The following ANKS1B variants were observed in gnomAD, a reference collection of about 807,000 sequenced individuals.
ANKS1B encodes ankyrin repeat and sterile alpha motif domain containing 1B, also known as ankyrin repeat and sterile alpha motif domain-containing protein 1B.
Under a neutral mutation model 148.3 loss-of-function variants are expected in ANKS1B, and 36 were observed. The observed-to-expected ratio is 0.24, with a 90% CI of 0.19 to 0.32. The LOEUF (loss-of-function observed/expected upper bound fraction) is 0.32. Ranked by LOEUF, ANKS1B falls within the 10% of genes least tolerant of loss-of-function variation. ANKS1B has a pLI of 1.00. For synonymous variants in ANKS1B, 542 were observed against 560.8 expected (o/e 0.97, Z 0.47); for missense variants, 1,157 against 1,542.6 (o/e 0.75, Z 4.19).
intron 1 of ANKS1B, among the ~76,000 whole-genome samples, chr12:99,927,397 A>T (rs1295607270): frequency 1.3e-5 from 2 of 152,224 alleles, no homozygotes; most frequent in Non-Finnish European, 2.9e-5. Context: ...TAGTTATTCA[A>T]ATGTTTTCTA....
At chr12:98,756,556 C>CAAAAAAAAAAA (rs536086383) in intron 25 of ANKS1B, among the ~76,000 whole-genome samples, 4 of 104,560 alleles carry the variant, frequency 3.8e-5, no homozygotes, top group African/African-American at 1.0e-4. Flanking sequence ...ACTAAAAATA[C>CAAAAAAAAAAA]AAAAAAAAAA....
At chr12:99,508,463 T>C (rs918211983) in intron 9 of ANKS1B, among the ~76,000 whole-genome samples, 7 of 151,740 alleles carry the variant, frequency 4.6e-5, no homozygotes, top group African/African-American at 1.7e-4. Context: ...CTACCCAAAG[T>C]GGCAGGAGGG....
At chr12:98,865,929 C>T (rs74349727) in intron 17 of ANKS1B, among the ~76,000 whole-genome samples, 3,024 of 152,196 alleles carry the variant, frequency 0.02, 105 homozygotes, top group African/African-American at 0.068. Flanking sequence ...CTGGCAGATT[C>T]GGTATCTGGT....
At chr12:99,256,963 C>T (rs181961593) in intron 12 of ANKS1B, among the ~76,000 whole-genome samples, 7 of 152,212 alleles carry the variant, frequency 4.6e-5, no homozygotes, top group African/African-American at 7.2e-5. Context: ...TATTTCATCC[C>T]GGCCGGGTGC....
chr12:99,342,128 G>A (rs1337806272), intron 12 of ANKS1B, among the ~76,000 whole-genome samples: 1 of 152,006 alleles, frequency 6.6e-6, no homozygotes, highest in South Asian at 2.1e-4. Flanking sequence ...ATATCATGGA[G>A]GTCAGCATTT....
At chr12:98,917,824 A>G (rs1311894878) in intron 17 of ANKS1B, among the ~76,000 whole-genome samples, 1 of 152,202 alleles carries the variant, frequency 6.6e-6, no homozygotes, top group Non-Finnish European at 1.5e-5. Context: ...TTTTGCAGCT[A>G]TCTCATGCCA....
At chr12:99,543,451 TC>T (rs2097145450) in intron 9 of ANKS1B, among the ~76,000 whole-genome samples, 1 of 152,112 alleles carries the variant, frequency 6.6e-6, no homozygotes, top group Non-Finnish European at 1.5e-5. Flanking sequence ...ACCATATGAC[TC>T]CAATATTCTA....
intron 17 of ANKS1B, among the ~76,000 whole-genome samples, chr12:98,938,925 GATA>G (rs1261880432): frequency 2.0e-5 from 3 of 152,332 alleles, no homozygotes; most frequent in East Asian, 1.9e-4. Context: ...GGAGATTAAT[GATA>G]ATAAGTCATG....
intron 9 of ANKS1B, among the ~76,000 whole-genome samples, chr12:99,557,042 TC>T (rs2097284060): frequency 6.6e-6 from 1 of 152,186 alleles, no homozygotes; most frequent in South Asian, 2.1e-4. Flanking sequence ...AGTGAGATGT[TC>T]AACTCTCTCA....
At chr12:99,515,065 A>G (rs570635421) in intron 9 of ANKS1B, among the ~76,000 whole-genome samples, 3 of 152,022 alleles carry the variant, frequency 2.0e-5, no homozygotes, top group African/African-American at 7.2e-5. Flanking sequence ...AGGTATATGT[A>G]TTTATGTGGT....
chr12:99,374,275 A>G (rs2093289493), intron 12 of ANKS1B, among the ~76,000 whole-genome samples: 2 of 152,158 alleles, frequency 1.3e-5, no homozygotes, highest in Non-Finnish European at 1.5e-5. Flanking sequence ...AAAAAAATCT[A>G]TTCCCAGTTA....
chr12:99,088,590 C>G (rs2052803093), intron 15 of ANKS1B, among the ~76,000 whole-genome samples: 1 of 151,756 alleles, frequency 6.6e-6, no homozygotes, highest in African/African-American at 2.4e-5. Context: ...GTATGATGGA[C>G]TTATAAAATT....
intron 17 of ANKS1B, among the ~76,000 whole-genome samples, chr12:98,880,374 C>T (rs1402098619): frequency 6.6e-6 from 1 of 152,140 alleles, no homozygotes; most frequent in Non-Finnish European, 1.5e-5. Context: ...GAAGGTAGCA[C>T]TGATATGGAA....
At chr12:99,854,611 T>G (rs1240693224) in intron 1 of ANKS1B, among the ~76,000 whole-genome samples, 2 of 151,998 alleles carry the variant, frequency 1.3e-5, no homozygotes, top group Non-Finnish European at 2.9e-5. Context: ...TTATCTAAAG[T>G]CAAGACAAAG....
intron 11 of ANKS1B, among the ~76,000 whole-genome samples, chr12:99,408,703 T>G (rs1594188282): frequency 6.8e-6 from 1 of 146,084 alleles, no homozygotes; most frequent in East Asian, 1.9e-4. Flanking sequence ...AGAATAGACA[T>G]TTCTCAAAAG....
At position 98,911,006 on chromosome 12, in the gene ANKS1B, C is replaced by T. The variant is rs951098509; in HGVS notation, c.2779-78870G>A. Reference sequence around the variant, plus strand: ...GGTAACATTTATGGAGATGTCTGCACGGGCTCTCTGTCAACATATGGAGAA... The same window carrying T: ...GGTAACATTTATGGAGATGTCTGCATGGGCTCTCTGTCAACATATGGAGAA... On this transcript the variant is annotated intron_variant, in intron 17 of 26. Transcript: ENST00000683438. Among the ~76,000 whole-genome samples, 8 of 152,224 alleles carry T rather than the reference C, an allele frequency of 5.3e-5. No individual in the cohort carries two copies. The East Asian group carries it at 9.6e-4, about 18-fold the overall frequency.
At chr12:99,717,798 C>CA (rs146228161) in intron 8 of ANKS1B, among the ~76,000 whole-genome samples, 100,584 of 151,742 alleles carry the variant, frequency 0.66, 33,428 homozygotes, top group Non-Finnish European at 0.69. Context: ...ACCTTCTTTT[C>CA]AAGGCCTGTT....
In ANKS1B at chr12:99,185,721, C is replaced by T. The variant is rs535490741; in HGVS notation, c.2420-31326G>A. On this transcript the variant is annotated intron_variant, in intron 14 of 26. Coordinates refer to ENST00000683438, the MANE Select transcript of ANKS1B (RefSeq NM_001352186.2). ...ACGGTGCATTCTGGCCCAGATACTACGCTTTTCCCATGGTCTTCGCAACCT... is the reference window on the plus strand; with the variant it reads ...ACGGTGCATTCTGGCCCAGATACTATGCTTTTCCCATGGTCTTCGCAACCT... Among the ~76,000 whole-genome samples the T allele has an allele frequency of 2.2e-4, 34 of 152,304 alleles. No individual in the cohort carries two copies. The South Asian group carries it at 2.9e-3, about 13-fold the overall frequency.
chr12:99,607,540 T>G (rs1447551342), intron 9 of ANKS1B, among the ~76,000 whole-genome samples: 1 of 152,080 alleles, frequency 6.6e-6, no homozygotes. Flanking sequence ...TTATATTTAA[T>G]GACATAATCA....
Sources: allele counts gnomAD v4.1 joint callset (sites outside exome capture counted in the v4.1 genomes callset), GRCh38; gene constraint gnomAD v4.1.1; transcripts MANE v1.5; gene names NCBI Gene and HGNC (gene_info 2026-07-23, HGNC 2026-07-21).